GPC5: variants seen among roughly 807,000 people sequenced by gnomAD.
GPC5 encodes glypican-5.
Under a neutral mutation model 53.9 loss-of-function variants are expected in GPC5, and 47 were observed. That is an observed-to-expected ratio of 0.87 (90% CI 0.69 to 1.11). The LOEUF (loss-of-function observed/expected upper bound fraction) is 1.11, where lower values mean the gene tolerates loss of function less well. Ranked by LOEUF, GPC5 falls within the 50% of genes most tolerant of loss-of-function variation. The pLI is 0.00. For missense variants in GPC5, 748 were observed against 713.1 expected (o/e 1.05, Z -0.56); for synonymous variants, 286 against 263.3 (o/e 1.09, Z -0.84).
intron 7 of GPC5, among the ~76,000 whole-genome samples, chr13:92,354,888 G>A (rs1050541890): frequency 5.9e-5 from 9 of 152,126 alleles, no homozygotes; most frequent in African/African-American, 1.9e-4. Flanking sequence ...GAGGAGTAGA[G>A]TAAGAGAAGT....
chr13:91,413,304 AC>A (rs1258059874), intron 1 of GPC5, among the ~76,000 whole-genome samples: 4 of 152,044 alleles, frequency 2.6e-5, no homozygotes, highest in Non-Finnish European at 5.9e-5. Flanking sequence ...ACCAAAATGA[AC>A]AAGTGACTTA....
intron 2 of GPC5, among the ~76,000 whole-genome samples, chr13:91,453,926 A>G (rs763977083): frequency 4.6e-5 from 7 of 152,080 alleles, no homozygotes; most frequent in Non-Finnish European, 1.0e-4. Flanking sequence ...CTTTTACTGG[A>G]TCATTCAGAC....
chr13:92,434,934 A>G (rs1877241836), intron 7 of GPC5, among the ~76,000 whole-genome samples: 1 of 152,078 alleles, frequency 6.6e-6, no homozygotes, highest in South Asian at 2.1e-4. Flanking sequence ...ATTTTTTTTG[A>G]GACATAGTCT....
At chr13:91,413,894 C>T (rs1018552056) in intron 1 of GPC5, among the ~76,000 whole-genome samples, 2 of 152,216 alleles carry the variant, frequency 1.3e-5, no homozygotes, top group African/African-American at 4.8e-5. Flanking sequence ...ATGATCTAAA[C>T]TAACTTCAGA....
chr13:91,732,352 T>C (rs892445840), intron 4 of GPC5, among the ~76,000 whole-genome samples: 20 of 152,040 alleles, frequency 1.3e-4, no homozygotes, highest in African/African-American at 4.6e-4. Context: ...TGTCGGTTCA[T>C]ATCCTTTGCC....
intron 2 of GPC5, among the ~76,000 whole-genome samples, chr13:91,652,109 A>C (rs1013963512): frequency 1.3e-5 from 2 of 152,144 alleles, no homozygotes; most frequent in African/African-American, 4.8e-5. Context: ...CAAGACTCCT[A>C]GTGGATGCCT....
At chr13:91,786,050 G>A (rs1249508640) in intron 5 of GPC5, among the ~76,000 whole-genome samples, 1 of 152,142 alleles carries the variant, frequency 6.6e-6, no homozygotes, top group Non-Finnish European at 1.5e-5. Flanking sequence ...AGGCTGGAGT[G>A]TAGTGGCACG....
chr13:92,315,124 A>G (rs1053582276), intron 7 of GPC5, among the ~76,000 whole-genome samples: 23 of 152,150 alleles, frequency 1.5e-4, no homozygotes, highest in African/African-American at 5.3e-4. Context: ...TTCAAGGGTG[A>G]CATAATTAGA....
chr13:92,727,577 C>T (rs1475695583), intron 7 of GPC5, among the ~76,000 whole-genome samples: 1 of 151,320 alleles, frequency 6.6e-6, no homozygotes, highest in Non-Finnish European at 1.5e-5. Context: ...CAAGTGGCCC[C>T]ATTCAATCTT....
chr13:91,712,300 GTGTGTGTGTGTGTATA>G (rs1487252236), intron 3 of GPC5, among the ~76,000 whole-genome samples: 4 of 150,144 alleles, frequency 2.7e-5, no homozygotes, highest in African/African-American at 5.0e-5. Flanking sequence ...CCAGTTTAAT[GTGTGTGTGTGTGTATA>G]TGTGTGTGTG....
chr13:92,347,113 A>G (rs2043419509), intron 7 of GPC5, among the ~76,000 whole-genome samples: 1 of 152,182 alleles, frequency 6.6e-6, no homozygotes, highest in Non-Finnish European at 1.5e-5. Flanking sequence ...AACAAGGTCC[A>G]TAGAGCATAT....
chr13:92,527,261 AAGAAAGAAAGAAAG>A (rs1881393351), intron 7 of GPC5, among the ~76,000 whole-genome samples: 3 of 123,010 alleles, frequency 2.4e-5, no homozygotes, highest in South Asian at 2.5e-4. Flanking sequence ...GAAAGAAAGA[AAGAAAGAAAGAAAG>A]AAAGAAAAAG....
At chr13:92,554,710 T>C (rs1340537359) in intron 7 of GPC5, among the ~76,000 whole-genome samples, 1 of 151,002 alleles carries the variant, frequency 6.6e-6, no homozygotes, top group Non-Finnish European at 1.5e-5. Context: ...AAACAAAATA[T>C]ATGAAACATT....
rs1175629026 is a variant in GPC5 at position 92,708,009 on chromosome 13, T to C, written c.1562-158273T>C. Among the ~76,000 whole-genome samples, 3 of 152,212 alleles carry C rather than the reference T, an allele frequency of 2.0e-5. No individual in the cohort carries two copies. In the South Asian group the frequency reaches 6.2e-4, roughly 32 times the overall value. Reference sequence around the variant, plus strand: ...GACTCTAATTAGTTATGGAAGTTTGTGAGCAAGGTAAGGAATAGAGCATTT... The same window carrying C: ...GACTCTAATTAGTTATGGAAGTTTGCGAGCAAGGTAAGGAATAGAGCATTT... On this transcript the variant is annotated intron_variant, in intron 7 of 7. Transcript: ENST00000377067.
intron 2 of GPC5, among the ~76,000 whole-genome samples, chr13:91,625,359 A>C (rs963223392): frequency 6.6e-6 from 1 of 152,128 alleles, no homozygotes; most frequent in Non-Finnish European, 1.5e-5. Context: ...AATGTAAAAT[A>C]ATTAACACTG....
chr13:91,684,672 C>T (rs2035582636), intron 2 of GPC5, among the ~76,000 whole-genome samples: 1 of 152,162 alleles, frequency 6.6e-6, no homozygotes, highest in African/African-American at 2.4e-5. Flanking sequence ...AACTGGGCTT[C>T]CTGTTTTCAC....
chr13:91,572,043 A>ATG (rs1491102202), intron 2 of GPC5, among the ~76,000 whole-genome samples: 2 of 101,318 alleles, frequency 2.0e-5, no homozygotes, highest in African/African-American at 1.4e-4. Context: ...ATGTGTATAT[A>ATG]CACACATATG....
At chr13:92,558,572 A>G (rs191725082) in intron 7 of GPC5, among the ~76,000 whole-genome samples, 21 of 152,138 alleles carry the variant, frequency 1.4e-4, no homozygotes, top group African/African-American at 4.8e-4. Context: ...CCTTTTTAAA[A>G]ACATGGTTTC....
At chr13:91,600,411 G>C (rs2033143828) in intron 2 of GPC5, among the ~76,000 whole-genome samples, 1 of 151,628 alleles carries the variant, frequency 6.6e-6, no homozygotes, top group African/African-American at 2.4e-5. Context: ...AGTATATAAA[G>C]ACTTGGCCTG....
Sources: allele counts gnomAD v4.1 joint callset (sites outside exome capture counted in the v4.1 genomes callset), GRCh38; gene constraint gnomAD v4.1.1; transcripts MANE v1.5; gene names NCBI Gene and HGNC (gene_info 2026-07-23, HGNC 2026-07-21).